The following INPP5D variants were observed in gnomAD, a reference collection of about 807,000 sequenced individuals.
INPP5D encodes the protein phosphatidylinositol 3,4,5-trisphosphate 5-phosphatase 1.
INPP5D carries 33 observed loss-of-function variants against 122.9 expected under a neutral mutation model. That is an observed-to-expected ratio of 0.27 (90% CI 0.20 to 0.36). The LOEUF is 0.36. Ranked by LOEUF, INPP5D falls within the 10% of genes least tolerant of loss-of-function variation. The pLI is 1.00. For synonymous variants in INPP5D, 584 were observed against 576.2 expected, an observed-to-expected ratio of 1.01 and a Z score of -0.19; for missense variants, 1,053 against 1,412.7, an observed-to-expected ratio of 0.75 and a Z score of 4.08.
intron 13 of INPP5D, among the ~76,000 whole-genome samples, chr2:233,166,369 T>C (rs1574779805): frequency 6.6e-6 from 1 of 152,326 alleles, no homozygotes; most frequent in African/African-American, 2.4e-5. Context: ...CATGTGGACC[T>C]GACACACATT....
At chr2:233,113,963 T>C (rs905974158) in intron 2 of INPP5D, among the ~76,000 whole-genome samples, 1 of 139,516 alleles carries the variant, frequency 7.2e-6, no homozygotes, top group Non-Finnish European at 1.5e-5. Context: ...CTGGATGGAG[T>C]GCAGTGGCGC....
In INPP5D at chr2:233,185,932, C is replaced by T. The variant is rs1381589165; in HGVS notation, c.2358+7C>T. 1 of 1,591,902 alleles carries T rather than the reference C, an allele frequency of 6.3e-7. No individual in the cohort carries two copies. Among genetic ancestry groups the T allele is most frequent in the South Asian group, 1.2e-5 (1 of 86,534 alleles). ...TGGTGAGACTCTTCCAAAGGTAATT[C>T]TAGAGCAAGGCATTCCCCAGAGGGA... On this transcript the variant is annotated splice_region_variant and intron_variant, in intron 21 of 26. Coordinates refer to ENST00000445964, the MANE Select transcript of INPP5D (RefSeq NM_001017915.3).
chr2:233,152,507 T>C (rs36138569), intron 9 of INPP5D, among the ~76,000 whole-genome samples: 77,451 of 151,862 alleles, frequency 0.51, 20,392 homozygotes, highest in East Asian at 0.67. Flanking sequence ...AAGGAGAAAA[T>C]AAACAAACAC....
intron 5 of INPP5D, among the ~76,000 whole-genome samples, chr2:233,136,477 T>TAAAAAAAA (rs56838121): frequency 6.9e-6 from 1 of 145,148 alleles, no homozygotes; most frequent in Non-Finnish European, 1.5e-5. Context: ...AGACCGCGTT[T>TAAAAAAAA]AAAAAAAAAA....
rs144237911 is a variant in INPP5D, at chr2:233,083,794, C to G, written c.198+4396C>G. Among the ~76,000 whole-genome samples, 228 of 152,248 alleles carry G rather than the reference C, an allele frequency of 1.5e-3. 2 individuals are homozygous for G. In the East Asian group the frequency reaches 0.019, roughly 12 times the overall value. On this transcript the variant is annotated intron_variant, in intron 2 of 26. Coordinates refer to ENST00000445964, the MANE Select transcript of INPP5D (RefSeq NM_001017915.3). Reference sequence around the variant, plus strand: ...AGGCCTGGAGTGGCCTCAGACGTGTCGCATAAATGGCTGTCTCAAACCTAG... The same window carrying G: ...AGGCCTGGAGTGGCCTCAGACGTGTGGCATAAATGGCTGTCTCAAACCTAG...
At chr2:233,175,025 C>A (rs113807511) in intron 17 of INPP5D, among the ~76,000 whole-genome samples, 67 of 151,752 alleles carry the variant, frequency 4.4e-4, no homozygotes, top group Admixed American at 7.2e-4. Context: ...TCAGGAGTTC[C>A]AGACCAGTCT....
intron 10 of INPP5D, among the ~76,000 whole-genome samples, chr2:233,159,896 G>T (rs143977003): frequency 1.3e-5 from 2 of 152,024 alleles, no homozygotes; most frequent in Admixed American, 6.5e-5. Context: ...CTGGTGGGAG[G>T]TCTAAGGTGT....
chr2:233,194,488 CT>C (rs544200839), intron 23 of INPP5D, among the ~76,000 whole-genome samples: 3 of 88,736 alleles, frequency 3.4e-5, no homozygotes, highest in South Asian at 4.4e-4. Context: ...TTCTAAACTG[CT>C]TTTTTTTTTT....
At chr2:233,156,702 T>A (rs1694062458) in intron 9 of INPP5D, among the ~76,000 whole-genome samples, 1 of 152,184 alleles carries the variant, frequency 6.6e-6, no homozygotes, top group South Asian at 2.1e-4. Flanking sequence ...TGACAACATG[T>A]GTGAAATGTG....
At chr2:233,120,967 T>G (rs1301041152) in intron 2 of INPP5D, among the ~76,000 whole-genome samples, 1 of 151,844 alleles carries the variant, frequency 6.6e-6, no homozygotes, top group Non-Finnish European at 1.5e-5. Flanking sequence ...TTTTCCTGTG[T>G]TTTTTTTAAA....
chr2:233,203,233 G>T (rs1189800283), intron 25 of INPP5D, among the ~76,000 whole-genome samples: 1 of 152,178 alleles, frequency 6.6e-6, no homozygotes, highest in African/African-American at 2.4e-5. Flanking sequence ...CAAATGCTGG[G>T]TCGGAGCAGA....
chr2:233,169,257 AGT>A (rs760154750), intron 13 of INPP5D, 46 bp from the exon 14 acceptor site: 1 of 1,555,634 alleles, frequency 6.4e-7, no homozygotes, highest in East Asian at 2.4e-5. Flanking sequence ...CCCCTTGGCA[AGT>A]GTGTCTGTTT....
intron 1 of INPP5D, among the ~76,000 whole-genome samples, chr2:233,065,393 C>T (rs552031717): frequency 2.7e-5 from 4 of 149,538 alleles, no homozygotes; most frequent in African/African-American, 9.9e-5. Flanking sequence ...CTGCAACCTC[C>T]GCCTCCCAGG....
chr2:233,079,360 A>C lies in INPP5D; in HGVS notation c.160A>C (p.Arg54=). Residue 54 remains arginine, a synonymous_variant, in exon 2 of 27, where the codon AGA becomes CGA. Coordinates refer to ENST00000445964, the MANE Select transcript of INPP5D (RefSeq NM_001017915.3). ...GTATCGGAATTGCGTTTACACTTAC[A>C]GAATTCTGCCCAATGAAGATGATAA... ...VLYRNCVYTY[R]ILPNEDDKFT... The C allele has an allele frequency of 1.2e-6, 2 of 1,607,672 alleles. No homozygotes were observed.
At chr2:233,171,395 G>A (rs1016816559) in intron 17 of INPP5D, 8 of 461,366 alleles carry the variant, frequency 1.7e-5, no homozygotes, top group African/African-American at 1.4e-4. Context: ...GATGCTGAGA[G>A]GACTTTAAAG....
intron 2 of INPP5D, among the ~76,000 whole-genome samples, chr2:233,110,332 G>A (rs1459909875): frequency 2.0e-5 from 3 of 151,872 alleles, no homozygotes; most frequent in African/African-American, 7.3e-5. Context: ...TGGGATTACG[G>A]GTGTGAGCCA....
intron 5 of INPP5D, chr2:233,134,126 C>T (rs1473423600): frequency 4.8e-6 from 2 of 417,178 alleles, no homozygotes; most frequent in Non-Finnish European, 9.8e-6. Flanking sequence ...GATGCTGATG[C>T]CAGTTCCTGG....
chr2:233,204,808 G>C, intron 26 of INPP5D, 91 bp downstream of exon 26: 1 of 1,416,476 alleles, frequency 7.1e-7, no homozygotes, highest in Non-Finnish European at 9.2e-7. Context: ...GTGTGTGCAT[G>C]TGTGTGTGCA....
chr2:233,126,400 A>G (rs929539856), intron 4 of INPP5D, among the ~76,000 whole-genome samples: 1 of 152,158 alleles, frequency 6.6e-6, no homozygotes, highest in African/African-American at 2.4e-5. Flanking sequence ...TTGGCAAAAT[A>G]TGAAGTAGAT....
Sources: gnomAD v4.1 joint callset for allele counts (sites outside exome capture counted in the v4.1 genomes callset) on GRCh38, gnomAD v4.1.1 for gene constraint, MANE v1.5 for transcripts, NCBI Gene and HGNC (gene_info 2026-07-23, HGNC 2026-07-21) for gene names.